The following CRADD variants were observed in gnomAD, a reference collection of about 807,000 sequenced individuals.
CRADD encodes the protein CARD and death domain containing adaptor protein.
Under a neutral mutation model 15.5 loss-of-function variants are expected in CRADD, and 9 were observed. That is an observed-to-expected ratio of 0.58 (90% CI 0.35 to 1.01). CRADD has a LOEUF of 1.01. CRADD is among the 50% of genes least tolerant of loss of function. CRADD has a pLI of 0.02. For synonymous variants in CRADD, 118 were observed against 107.6 expected (o/e 1.10, Z -0.60); for missense variants, 227 against 250.3 (o/e 0.91, Z 0.63).
At chr12:93,706,961 T>C (rs1399239391) in intron 2 of CRADD, among the ~76,000 whole-genome samples, 1 of 152,248 alleles carries the variant, frequency 6.6e-6, no homozygotes, top group Non-Finnish European at 1.5e-5. Flanking sequence ...GCCAATAGCC[T>C]AATTCTGTGA....
intron 2 of CRADD, among the ~76,000 whole-genome samples, chr12:93,764,699 G>A (rs1182482381): frequency 1.3e-5 from 2 of 150,378 alleles, no homozygotes; most frequent in Admixed American, 1.3e-4. Flanking sequence ...CCAAATTGTG[G>A]AACGCTTTGT....
At chr12:93,891,314 C>G (rs1958574630) in intron 2 of CRADD, among the ~76,000 whole-genome samples, 2 of 151,870 alleles carry the variant, frequency 1.3e-5, no homozygotes, top group Admixed American at 6.6e-5. Context: ...CGTGGCAACC[C>G]CATCTCTACT....
intron 2 of CRADD, among the ~76,000 whole-genome samples, chr12:93,890,570 G>A (rs1363208131): frequency 6.6e-6 from 1 of 151,922 alleles, no homozygotes; most frequent in Non-Finnish European, 1.5e-5. Flanking sequence ...CAGGAGCCCA[G>A]AGCTTGGGTC....
chr12:93,806,444 T>C (rs1593005431), intron 2 of CRADD, among the ~76,000 whole-genome samples: 1 of 97,286 alleles, frequency 1.0e-5, no homozygotes, highest in Admixed American at 1.7e-4. Flanking sequence ...AGAGCGAGAC[T>C]CCATCTCAAA....
rs548426368 is a variant in CRADD at position 93,889,991 on chromosome 12, A to G, written c.299-4059A>G. Among the ~76,000 whole-genome samples, 12 of 152,330 alleles carry G rather than the reference A, an allele frequency of 7.9e-5. No individual in the cohort carries two copies. The East Asian group carries it at 1.7e-3, about 22-fold the overall frequency. On this transcript the variant is annotated intron_variant, in intron 2 of 2. Transcript: ENST00000548483. ...AAGTAGGAGCCCTGGGGCCTGAGCC[A>G]GCTTCCTCTTCCTCACCCCATACAT...
At chr12:93,871,846 T>C (rs1958422939) in intron 2 of CRADD, among the ~76,000 whole-genome samples, 2 of 152,260 alleles carry the variant, frequency 1.3e-5, no homozygotes, top group Admixed American at 1.3e-4. Context: ...AAATCTTAGC[T>C]ATTGTAGACA....
At chr12:93,782,520 G>C (rs1358605640) in intron 2 of CRADD, among the ~76,000 whole-genome samples, 2 of 151,446 alleles carry the variant, frequency 1.3e-5, no homozygotes, top group Non-Finnish European at 2.9e-5. Context: ...CTTAAGGGTG[G>C]GAGATGGAGC....
At position 93,782,091 on chromosome 12, in the gene CRADD, C is replaced by T. The variant is rs557311083; in HGVS notation, c.299-67879C>T. Among the ~76,000 whole-genome samples, 567 of 152,076 alleles carry T rather than the reference C, an allele frequency of 3.7e-3. 1 individual carries two copies. The highest frequency in any genetic ancestry group is 0.01 in the Middle Eastern group (3 of 294). On this transcript the variant is annotated intron_variant, in intron 2 of 2. Coordinates refer to ENST00000332896, the MANE Select transcript of CRADD (RefSeq NM_003805.5). ...CACAATAGCAAAGACTTGGAACCAA[C>T]CCAAATATCCAACAATGATAGACTG... is the stretch of plus-strand genomic sequence containing the variant.
intron 2 of CRADD, among the ~76,000 whole-genome samples, chr12:93,743,645 T>C (rs748125332): frequency 7.9e-5 from 12 of 152,212 alleles, no homozygotes; most frequent in Admixed American, 1.3e-4. Context: ...TTCTTACTCA[T>C]ATATTTTAGT....
intron 2 of CRADD, among the ~76,000 whole-genome samples, chr12:93,739,967 T>C (rs1011483655): frequency 3.9e-5 from 6 of 152,188 alleles, no homozygotes; most frequent in African/African-American, 1.4e-4. Flanking sequence ...TCATTTATTT[T>C]GGAGCACCTA....
chr12:93,699,639 C>T (rs762439682), intron 2 of CRADD, among the ~76,000 whole-genome samples: 52 of 152,296 alleles, frequency 3.4e-4, no homozygotes, highest in African/African-American at 9.4e-4. Context: ...GAGACTCAAA[C>T]GTTCTGATGA....
chr12:93,892,790 C>T (rs951213534), intron 2 of CRADD, among the ~76,000 whole-genome samples: 2 of 152,182 alleles, frequency 1.3e-5, no homozygotes, highest in Non-Finnish European at 2.9e-5. Context: ...TCTGCTCTCC[C>T]GTGCTCCCCC....
intron 2 of CRADD, among the ~76,000 whole-genome samples, chr12:93,728,066 T>C (rs764006683): frequency 7.2e-5 from 11 of 152,226 alleles, no homozygotes; most frequent in Non-Finnish European, 1.3e-4. Flanking sequence ...AGGGATATTG[T>C]CTTATCACTC....
At chr12:93,781,059 T>C (rs1365908357) in intron 2 of CRADD, among the ~76,000 whole-genome samples, 1 of 151,950 alleles carries the variant, frequency 6.6e-6, no homozygotes, top group African/African-American at 2.4e-5. Context: ...CCCAGCCTCT[T>C]GGTTACTTTT....
intron 2 of CRADD, among the ~76,000 whole-genome samples, chr12:93,688,000 T>C (rs1185912269): frequency 6.6e-6 from 1 of 152,220 alleles, no homozygotes; most frequent in African/African-American, 2.4e-5. Context: ...TGCAGTACCT[T>C]GTGCTCTGTA....
At chr12:93,690,570 T>C (rs1387694349) in intron 2 of CRADD, among the ~76,000 whole-genome samples, 1 of 152,246 alleles carries the variant, frequency 6.6e-6, no homozygotes, top group Non-Finnish European at 1.5e-5. Flanking sequence ...AATTGGGTAC[T>C]GGCCTAAGGG....
At chr12:93,766,047 C>T (rs1453144344) in intron 2 of CRADD, among the ~76,000 whole-genome samples, 1 of 152,120 alleles carries the variant, frequency 6.6e-6, no homozygotes, top group East Asian at 1.9e-4. Flanking sequence ...TTGTTTAGCT[C>T]TTTAAATTAT....
At chr12:93,863,596 T>TTTGTGTGTGTGTGTGTG in intron 2 of CRADD, among the ~76,000 whole-genome samples, 1 of 124,850 alleles carries the variant, frequency 8.0e-6, no homozygotes, top group Admixed American at 8.1e-5. Flanking sequence ...GTGGAGGCAT[T>TTTGTGTGTGTGTGTGTG]TGTGTGTGTG....
At chr12:93,760,343 T>A (rs1332813123) in intron 2 of CRADD, among the ~76,000 whole-genome samples, 1 of 152,210 alleles carries the variant, frequency 6.6e-6, no homozygotes. Flanking sequence ...TGGAAGGTCT[T>A]AAACATCAGC....
Sources: gnomAD v4.1 joint callset for allele counts (sites outside exome capture counted in the v4.1 genomes callset) on GRCh38, gnomAD v4.1.1 for gene constraint, MANE v1.5 for transcripts, NCBI Gene and HGNC (gene_info 2026-07-23, HGNC 2026-07-21) for gene names.